MYO3A: variants seen among roughly 807,000 people sequenced by gnomAD.
The protein encoded by MYO3A is myosin IIIA.
Under a neutral mutation model 192.7 loss-of-function variants are expected in MYO3A, and 180 were observed. The ratio of observed to expected loss-of-function variants is 0.93; its 90% CI spans 0.83 to 1.06. The LOEUF (loss-of-function observed/expected upper bound fraction) is 1.06. MYO3A is among the 50% of genes least tolerant of loss of function. The probability of loss-of-function intolerance (pLI) is 0.00; values close to 1 mark genes in which losing one functional copy is unlikely to be tolerated. For synonymous variants in MYO3A, 628 were observed against 645.3 expected (o/e 0.97, Z 0.41); for missense variants, 1,896 against 1,905.0 (o/e 1.00, Z 0.09).
intron 10 of MYO3A, among the ~76,000 whole-genome samples, chr10:26,044,467 C>T (rs925296692): frequency 3.3e-5 from 5 of 152,270 alleles, no homozygotes; most frequent in East Asian, 3.9e-4. Flanking sequence ...CGGGGATGGG[C>T]GATTCCCCCT....
At chr10:26,135,189 G>C (rs1280802871) in intron 20 of MYO3A, among the ~76,000 whole-genome samples, 1 of 152,034 alleles carries the variant, frequency 6.6e-6, no homozygotes, top group Non-Finnish European at 1.5e-5. Flanking sequence ...TTTTTCTCAT[G>C]AACAAACAAG....
chr10:26,137,866 C>T (rs1399185504), intron 20 of MYO3A, among the ~76,000 whole-genome samples: 5 of 152,162 alleles, frequency 3.3e-5, no homozygotes, highest in Non-Finnish European at 7.4e-5. Context: ...AAACCCCACC[C>T]TGGTAAATTT....
At chr10:26,118,997 T>G (rs74129107) in intron 17 of MYO3A, among the ~76,000 whole-genome samples, 16,077 of 152,146 alleles carry the variant, frequency 0.11, 914 homozygotes, top group Non-Finnish European at 0.12. Flanking sequence ...TCTGAGTTCT[T>G]ACTGCACTGT....
intron 12 of MYO3A, 60 bp downstream of exon 12, chr10:26,068,944 A>C: frequency 9.1e-7 from 1 of 1,100,942 alleles, no homozygotes; most frequent in East Asian, 2.4e-5. Flanking sequence ...TCAGATACTT[A>C]AATTAATTTA....
At chr10:26,195,779 C>T (rs971127734) in intron 32 of MYO3A, among the ~76,000 whole-genome samples, 5 of 152,226 alleles carry the variant, frequency 3.3e-5, no homozygotes, top group African/African-American at 1.2e-4. Context: ...TTCAGGAAAC[C>T]TTCTTGTCAC....
rs114309395 is a variant in MYO3A at position 26,036,498 on chromosome 10, C to G, written c.953+9966C>G. 4.0e-3 allele frequency among the ~76,000 whole-genome samples: 609 copies of G among 152,254 alleles called. 5 individuals carry two copies. The highest frequency in any genetic ancestry group is 0.014 in the African/African-American group (584 of 41,540). On this transcript the variant is annotated intron_variant, in intron 10 of 34. Coordinates refer to ENST00000642920, the MANE Select transcript of MYO3A (RefSeq NM_017433.5). ...AAGCTCTCAGCAGGGGCCAACAAAA[C>G]TGCATTCAGTGAAAAAAAGGCCTGG...
intron 14 of MYO3A, among the ~76,000 whole-genome samples, chr10:26,079,783 A>C (rs1417816369): frequency 6.6e-6 from 1 of 152,118 alleles, no homozygotes; most frequent in Non-Finnish European, 1.5e-5. Flanking sequence ...TATGATGCTT[A>C]GTTTCGCTGG....
intron 4 of MYO3A, among the ~76,000 whole-genome samples, chr10:25,974,356 C>T (rs1838849568): frequency 6.6e-6 from 1 of 152,140 alleles, no homozygotes; most frequent in South Asian, 2.1e-4. Flanking sequence ...CTGTGGTTAG[C>T]TTGTTGCTCT....
chr10:26,068,518 A>G (rs1471227823), intron 11 of MYO3A, among the ~76,000 whole-genome samples: 1 of 152,096 alleles, frequency 6.6e-6, no homozygotes, highest in Non-Finnish European at 1.5e-5. Context: ...AATTCCTGTG[A>G]CACATAATAT....
At chr10:26,146,231 T>A (rs1485835825) in intron 22 of MYO3A, among the ~76,000 whole-genome samples, 1 of 152,210 alleles carries the variant, frequency 6.6e-6, no homozygotes, top group Non-Finnish European at 1.5e-5. Context: ...TGACAGGTCA[T>A]TCTTTCACAA....
chr10:26,013,740 T>A (rs10828933), intron 6 of MYO3A, among the ~76,000 whole-genome samples: 14,295 of 151,948 alleles, frequency 0.094, 1,185 homozygotes, highest in African/African-American at 0.21. Context: ...TAAAAGTAGA[T>A]CTACCATTTG....
At chr10:26,111,558 C>G (rs1004000847) in intron 17 of MYO3A, among the ~76,000 whole-genome samples, 21 of 152,282 alleles carry the variant, frequency 1.4e-4, no homozygotes, top group African/African-American at 4.3e-4. Context: ...TTTCTCCTCC[C>G]TCAGTCCTCC....
At chr10:26,131,508 C>T (rs1839535428) in intron 20 of MYO3A, among the ~76,000 whole-genome samples, 1 of 152,194 alleles carries the variant, frequency 6.6e-6, no homozygotes, top group African/African-American at 2.4e-5. Flanking sequence ...AGCTATACCT[C>T]CTTTCTCTTA....
intron 4 of MYO3A, among the ~76,000 whole-genome samples, chr10:25,977,468 T>C (rs980675079): frequency 6.6e-6 from 1 of 152,098 alleles, no homozygotes; most frequent in Admixed American, 6.6e-5. Flanking sequence ...CCTAGTGGTT[T>C]CCCTAACAGC....
intron 4 of MYO3A, among the ~76,000 whole-genome samples, chr10:25,990,468 A>G (rs1485104687): frequency 2.0e-5 from 3 of 148,544 alleles, no homozygotes; most frequent in East Asian, 1.9e-4. Context: ...TAGAATCATA[A>G]TTCTTTTTTT....
At chr10:26,166,733 C>G (rs965606983) in intron 27 of MYO3A, among the ~76,000 whole-genome samples, 1 of 152,078 alleles carries the variant, frequency 6.6e-6, no homozygotes. Context: ...AAATAAGATT[C>G]GTGTTTTCCT....
intron 32 of MYO3A, among the ~76,000 whole-genome samples, chr10:26,200,105 T>C (rs549510671): frequency 3.3e-5 from 5 of 152,346 alleles, no homozygotes; most frequent in African/African-American, 1.2e-4. Flanking sequence ...ATTGATATCC[T>C]GCCCTTACAT....
intron 4 of MYO3A, among the ~76,000 whole-genome samples, chr10:25,990,013 T>C (rs555354356): frequency 3.3e-5 from 5 of 152,302 alleles, no homozygotes; most frequent in African/African-American, 1.2e-4. Context: ...CCAGGGCCAT[T>C]TATCCAGTTA....
At chr10:26,163,458 G>A (rs1314619427) in intron 26 of MYO3A, among the ~76,000 whole-genome samples, 1 of 152,200 alleles carries the variant, frequency 6.6e-6, no homozygotes, top group Non-Finnish European at 1.5e-5. Flanking sequence ...AATTGCAAAA[G>A]TCTAGGTGAG....
Sources: gnomAD v4.1 joint callset for allele counts (sites outside exome capture counted in the v4.1 genomes callset) on GRCh38, gnomAD v4.1.1 for gene constraint, MANE v1.5 for transcripts, NCBI Gene and HGNC (gene_info 2026-07-23, HGNC 2026-07-21) for gene names.